The following IFT57 variants were observed in gnomAD, a reference collection of about 807,000 sequenced individuals.
The protein encoded by IFT57 is intraflagellar transport protein 57 homolog.
IFT57 carries 59 observed loss-of-function variants against 56.8 expected under a neutral mutation model. The observed-to-expected ratio is 1.04, with a 90% CI of 0.84 to 1.29. The LOEUF (loss-of-function observed/expected upper bound fraction) is 1.29, where lower values mean the gene tolerates loss of function less well. Ranked by LOEUF, IFT57 falls within the 50% of genes most tolerant of loss-of-function variation. The pLI, the probability that IFT57 is intolerant of heterozygous loss-of-function variation, is 0.00. For synonymous variants in IFT57, 209 were observed against 186.1 expected (o/e 1.12, Z -1.00); for missense variants, 470 against 522.1 (o/e 0.90, Z 0.97).
At chr3:108,199,967 A>G (rs1002448855) in intron 5 of IFT57, among the ~76,000 whole-genome samples, 22 of 152,224 alleles carry the variant, frequency 1.4e-4, no homozygotes, top group Non-Finnish European at 4.4e-5. Context: ...ATATGCTCAC[A>G]AGGTGTTTGA....
chr3:108,198,510 C>G (rs1421376011), intron 5 of IFT57, among the ~76,000 whole-genome samples: 4 of 152,070 alleles, frequency 2.6e-5, no homozygotes, highest in African/African-American at 9.7e-5. Context: ...GGCATGATCT[C>G]GGCTCACTGC....
chr3:108,213,797 T>C, intron 4 of IFT57, 134 bp downstream of exon 4: 3 of 609,334 alleles, frequency 4.9e-6, no homozygotes, highest in Non-Finnish European at 8.8e-6. Context: ...TACTCAGCAC[T>C]GTATTTAAAA....
At chr3:108,186,426 T>C (rs981181398) in intron 6 of IFT57, among the ~76,000 whole-genome samples, 8 of 151,896 alleles carry the variant, frequency 5.3e-5, no homozygotes, top group African/African-American at 1.9e-4. Flanking sequence ...GGAGATGATT[T>C]GATGGAGATA....
chr3:108,176,785 G>A (rs982485614), intron 6 of IFT57, among the ~76,000 whole-genome samples: 1 of 151,682 alleles, frequency 6.6e-6, no homozygotes, highest in African/African-American at 2.4e-5. Flanking sequence ...CTCCTTCCTT[G>A]GGTATGGAGT....
At chr3:108,179,981 A>T (rs564365967) in intron 6 of IFT57, among the ~76,000 whole-genome samples, 4 of 152,098 alleles carry the variant, frequency 2.6e-5, no homozygotes, top group Admixed American at 6.6e-5. Context: ...GATCGCTGGA[A>T]ATATGTGTTT....
chr3:108,163,845 A>G, intron 9 of IFT57, 116 bp from the exon 10 acceptor site: 1 of 639,550 alleles, frequency 1.6e-6, no homozygotes, highest in Non-Finnish European at 2.8e-6. Context: ...AAAAATAAAG[A>G]TATTAGGAAT....
chr3:108,165,622 T>C (rs2080058070), intron 8 of IFT57, 129 bp from the exon 9 acceptor site: 2 of 715,772 alleles, frequency 2.8e-6, no homozygotes, highest in Non-Finnish European at 5.1e-6. Flanking sequence ...TGTGAATACA[T>C]TTGTGAAAGT....
intron 4 of IFT57, among the ~76,000 whole-genome samples, chr3:108,207,389 T>C (rs752567562): frequency 2.6e-5 from 4 of 152,166 alleles, no homozygotes; most frequent in Non-Finnish European, 5.9e-5. Flanking sequence ...TCTATGAGCA[T>C]GTAGGACAAA....
At chr3:108,191,454 C>T in intron 6 of IFT57, 67 bp downstream of exon 6, 1 of 1,128,622 alleles carries the variant, frequency 8.9e-7, no homozygotes, top group African/African-American at 1.6e-5. Context: ...ATTGGGAGTA[C>T]CCCTAACCCT....
chr3:108,165,298 G>T, intron 9 of IFT57, 133 bp downstream of exon 9: 3 of 644,836 alleles, frequency 4.7e-6, no homozygotes, highest in South Asian at 2.0e-5. Context: ...GAAAATTAGG[G>T]ATTATCTCCT....
At chr3:108,220,243 C>T (rs2080397945) in intron 1 of IFT57, among the ~76,000 whole-genome samples, 1 of 152,148 alleles carries the variant, frequency 6.6e-6, no homozygotes, top group Non-Finnish European at 1.5e-5. Flanking sequence ...TTGCTTAATC[C>T]CCTAGTCTAC....
chr3:108,194,282 T>G (rs557804741), intron 5 of IFT57, among the ~76,000 whole-genome samples: 1 of 152,134 alleles, frequency 6.6e-6, no homozygotes, highest in South Asian at 2.1e-4. Flanking sequence ...GGAATAAACT[T>G]AATCAAAGGA....
chr3:108,216,325 A>T (rs1204020508), intron 3 of IFT57, among the ~76,000 whole-genome samples: 4 of 152,216 alleles, frequency 2.6e-5, no homozygotes, highest in Non-Finnish European at 1.5e-5. Context: ...ATCTTAATAG[A>T]CATTTCTCAA....
At chr3:108,206,797 TAA>T (rs1560123342) in intron 4 of IFT57, 101 bp from the exon 5 acceptor site, 3 of 293,404 alleles carry the variant, frequency 1.0e-5, no homozygotes, top group Non-Finnish European at 1.8e-5. Flanking sequence ...AAGCTTGATA[TAA>T]AGACTAGTGT....
chr3:108,172,693 C>G (rs1332444462), intron 6 of IFT57, among the ~76,000 whole-genome samples: 1 of 151,704 alleles, frequency 6.6e-6, no homozygotes, highest in Non-Finnish European at 1.5e-5. Context: ...AAGTGAAGTA[C>G]GCATATGGGG....
intron 4 of IFT57, among the ~76,000 whole-genome samples, chr3:108,209,848 A>G (rs969696532): frequency 2.6e-5 from 4 of 152,056 alleles, no homozygotes; most frequent in African/African-American, 4.8e-5. Context: ...CTCCGGCTTG[A>G]TAGCTGTGGA....
intron 10 of IFT57, among the ~76,000 whole-genome samples, chr3:108,163,099 T>C (rs944939054): frequency 2.6e-5 from 4 of 152,036 alleles, no homozygotes; most frequent in African/African-American, 7.2e-5. Context: ...TATATATCAA[T>C]AGAACTCTAG....
At chr3:108,179,222 G>A (rs542590045) in intron 6 of IFT57, among the ~76,000 whole-genome samples, 1 of 151,970 alleles carries the variant, frequency 6.6e-6, no homozygotes, top group Non-Finnish European at 1.5e-5. Flanking sequence ...AGTTGCAGTG[G>A]TAGAAAGGTA....
At chr3:108,200,681 T>C (rs758918518) in intron 5 of IFT57, among the ~76,000 whole-genome samples, 6 of 152,166 alleles carry the variant, frequency 3.9e-5, no homozygotes, top group Admixed American at 1.3e-4. Flanking sequence ...TTGAGTCATT[T>C]CTGTAGGGGA....
Sources: allele counts gnomAD v4.1 joint callset (sites outside exome capture counted in the v4.1 genomes callset), GRCh38; gene constraint gnomAD v4.1.1; transcripts MANE v1.5; gene names NCBI Gene and HGNC (gene_info 2026-07-23, HGNC 2026-07-21).